ARNT2: variants seen among roughly 807,000 people sequenced by gnomAD.
The protein encoded by ARNT2 is aryl hydrocarbon receptor nuclear translocator 2, also known as ARNT protein 2.
ARNT2 carries 36 observed loss-of-function variants against 91.7 expected under a neutral mutation model. The observed-to-expected ratio is 0.39, with a 90% CI of 0.30 to 0.52. The LOEUF (loss-of-function observed/expected upper bound fraction) is 0.52. Ranked by LOEUF, ARNT2 falls within the 20% of genes least tolerant of loss-of-function variation. ARNT2 has a pLI of 0.72. For missense variants in ARNT2, 775 were observed against 939.3 expected (o/e 0.83, Z 2.29); for synonymous variants, 365 against 347.1 (o/e 1.05, Z -0.57).
intron 11 of ARNT2, among the ~76,000 whole-genome samples, chr15:80,559,500 C>A (rs2141463640): frequency 6.6e-6 from 1 of 152,342 alleles, no homozygotes; most frequent in East Asian, 1.9e-4. Flanking sequence ...CTTCTTCTTG[C>A]AGAAGCAGGG....
At chr15:80,437,997 A>G (rs2141575271) in intron 1 of ARNT2, among the ~76,000 whole-genome samples, 1 of 151,222 alleles carries the variant, frequency 6.6e-6, no homozygotes, top group East Asian at 1.9e-4. Flanking sequence ...CACATATTAG[A>G]GGTGCGTTGA....
In ARNT2 at chr15:80,574,545, T is replaced by A. The variant is rs540243951; in HGVS notation, c.1389+325T>A. Among the ~76,000 whole-genome samples, 3 of 152,342 alleles carry A rather than the reference T, an allele frequency of 2.0e-5. No individual in the cohort carries two copies. In the South Asian group the frequency reaches 6.2e-4, roughly 32 times the overall value. ...CAGCAAGAGCAGCTTCTGATCCCCT[T>A]GGGCCCCTTGGCTTCTTGGCCATTT... On this transcript the variant is annotated intron_variant, in intron 13 of 18. Transcript: ENST00000303329.
Position 80,555,186 on chromosome 15 carries a change from C to T in ARNT2, c.1164+47C>T, listed in dbSNP as rs775278309. On this transcript the variant is annotated intron_variant, in intron 11 of 18. Transcript: ENST00000303329. ...TTAAAGCTGATGCATAGTCTGGGCACCTGTGGATGTGGCTGGCAGGACATT... is the reference window on the plus strand; with the variant it reads ...TTAAAGCTGATGCATAGTCTGGGCATCTGTGGATGTGGCTGGCAGGACATT... 44 of 1,590,792 alleles carry T rather than the reference C, an allele frequency of 2.8e-5. 1 individual carries two copies. The South Asian group carries it at 3.6e-4, about 13-fold the overall frequency.
At chr15:80,464,706 A>G (rs903297721) in intron 3 of ARNT2, among the ~76,000 whole-genome samples, 5 of 152,218 alleles carry the variant, frequency 3.3e-5, no homozygotes, top group African/African-American at 1.2e-4. Context: ...GTATCTGACC[A>G]GCCTCCATGG....
rs1430687396 is a variant in ARNT2 at position 80,595,810 on chromosome 15, C to T, written c.*2112C>T. 1 of 152,222 alleles carries T rather than the reference C, an allele frequency of 6.6e-6. No homozygotes were observed. Among genetic ancestry groups the T allele is most frequent in the Non-Finnish European group, 1.5e-5 (1 of 68,054 alleles). The allele number at this position is 152,222 out of a possible 1,614,324, so 9.4% of individuals were successfully genotyped here. A position where few individuals can be genotyped will look rare whatever the true frequency, so the allele number is the denominator to read the frequency against. On this transcript the variant is annotated 3_prime_UTR_variant, in exon 19 of 19. Coordinates refer to ENST00000303329, the MANE Select transcript of ARNT2 (RefSeq NM_014862.4). ...CAGCCCCAGAATGGGCCTTTCTCTG[C>T]CTGCCCTGCCCTTGGGGCCACCTCT...
intron 17 of ARNT2, among the ~76,000 whole-genome samples, chr15:80,582,399 G>A (rs1018312336): frequency 1.3e-5 from 2 of 151,982 alleles, no homozygotes; most frequent in Admixed American, 6.5e-5. Context: ...AGGAGGCTAA[G>A]GTGGGAGGAT....
intron 5 of ARNT2, among the ~76,000 whole-genome samples, chr15:80,507,071 C>T (rs1464744397): frequency 6.6e-6 from 1 of 152,176 alleles, no homozygotes; most frequent in Admixed American, 6.5e-5. Flanking sequence ...GGACAGAACC[C>T]TCCAACCACA....
At position 80,421,695 on chromosome 15, in the gene ARNT2, A is replaced by G. The variant is rs78993401; in HGVS notation, c.31+17149A>G. On this transcript the variant is annotated intron_variant, in intron 1 of 18. Transcript: ENST00000303329. ...TTTCTTCCAGCTTGGCTGTTTAAAC[A>G]TTCAGTCTCATCATTTGTTTTGAGG... is the stretch of plus-strand genomic sequence containing the variant. 6.0e-3 allele frequency among the ~76,000 whole-genome samples: 920 copies of G among 152,206 alleles called. 7 individuals carry two copies. Among genetic ancestry groups the G allele is most frequent in the African/African-American group, 0.021 (879 of 41,540 alleles).
chr15:80,516,944 A>G (rs901956489), intron 8 of ARNT2, among the ~76,000 whole-genome samples: 7 of 148,446 alleles, frequency 4.7e-5, no homozygotes, highest in African/African-American at 1.7e-4. Flanking sequence ...CATTTCTTAT[A>G]CTATTGCTCT....
At chr15:80,408,996 C>A (rs1895644346) in intron 1 of ARNT2, among the ~76,000 whole-genome samples, 1 of 152,154 alleles carries the variant, frequency 6.6e-6, no homozygotes, top group South Asian at 2.1e-4. Flanking sequence ...TGCCCCCACA[C>A]ATGCACAACC....
chr15:80,579,970 C>T (rs1898761330), intron 15 of ARNT2: 1 of 156,468 alleles, frequency 6.4e-6, no homozygotes, highest in South Asian at 2.0e-4. Flanking sequence ...CAACCTATTT[C>T]CTGAATCCTT....
At chr15:80,441,399 G>A in intron 1 of ARNT2, 1 of 984,478 alleles carries the variant, frequency 1.0e-6, no homozygotes, top group Non-Finnish European at 1.2e-6. Context: ...GATATTTGAT[G>A]TGCTTTCTGT....
Position 80,413,189 on chromosome 15 carries a change from G to C in ARNT2, c.31+8643G>C, listed in dbSNP as rs1244165253. Among the ~76,000 whole-genome samples the C allele has an allele frequency of 3.9e-5, 6 of 152,352 alleles. No individual in the cohort carries two copies. The East Asian group carries it at 1.2e-3, about 29-fold the overall frequency. On this transcript the variant is annotated intron_variant, in intron 1 of 18. Coordinates refer to ENST00000303329, the MANE Select transcript of ARNT2 (RefSeq NM_014862.4). The stretch of plus-strand genomic sequence containing the variant: ...GATGGCCTCAGTGGGCCGCTGCAGG[G>C]GCCCCATGACTGGGCTCTCCATGCC...
intron 11 of ARNT2, among the ~76,000 whole-genome samples, chr15:80,559,420 G>T (rs113995501): frequency 4.6e-5 from 7 of 152,182 alleles, no homozygotes; most frequent in Admixed American, 2.0e-4. Context: ...CCTCGGCCCC[G>T]TGCTTGTGTT....
chr15:80,411,926 C>T (rs1162892290), intron 1 of ARNT2, among the ~76,000 whole-genome samples: 2 of 152,220 alleles, frequency 1.3e-5, no homozygotes, highest in Non-Finnish European at 1.5e-5. Flanking sequence ...GGGATCCTCC[C>T]ATTTACTGCC....
In ARNT2 at chr15:80,555,155, A is replaced by T; in HGVS notation, c.1164+16A>T. The T allele has an allele frequency of 6.2e-7, 1 of 1,613,480 alleles. No individual in the cohort carries two copies. The highest frequency in any genetic ancestry group is 8.5e-7 in the Non-Finnish European group (1 of 1,179,386). Reference sequence around the variant, plus strand: ...CTTCCAGCAGGTACATACTGCCAGTACCCACTTAAAGCTGATGCATAGTCT... The same window carrying T: ...CTTCCAGCAGGTACATACTGCCAGTTCCCACTTAAAGCTGATGCATAGTCT... On this transcript the variant is annotated intron_variant, in intron 11 of 18. Transcript: ENST00000303329.
chr15:80,413,462 C>T (rs1199717211), intron 1 of ARNT2, among the ~76,000 whole-genome samples: 1 of 152,242 alleles, frequency 6.6e-6, no homozygotes, highest in Non-Finnish European at 1.5e-5. Flanking sequence ...TGCCTGCCTG[C>T]CTGTGATACC....
At chr15:80,571,862 C>T (rs1366557773) in intron 12 of ARNT2, among the ~76,000 whole-genome samples, 1 of 152,248 alleles carries the variant, frequency 6.6e-6, no homozygotes, top group African/African-American at 2.4e-5. Flanking sequence ...GTGATAGCCA[C>T]TTGCCAGTTG....
chr15:80,513,327 C>T (rs1897372925), intron 6 of ARNT2, among the ~76,000 whole-genome samples: 1 of 152,120 alleles, frequency 6.6e-6, no homozygotes, highest in Admixed American at 6.5e-5. Context: ...ACAGAAAGAC[C>T]GGATTCTCTA....
Sources: allele counts gnomAD v4.1 joint callset (sites outside exome capture counted in the v4.1 genomes callset), GRCh38; gene constraint gnomAD v4.1.1; transcripts MANE v1.5; gene names NCBI Gene and HGNC (gene_info 2026-07-23, HGNC 2026-07-21).